Variants in PARP8 observed in about 807,000 individuals in gnomAD.
PARP8 encodes poly(ADP-ribose) polymerase family member 8, also known as protein mono-ADP-ribosyltransferase PARP8.
Under a neutral mutation model 124.1 loss-of-function variants are expected in PARP8, and 51 were observed. The observed-to-expected ratio is 0.41, with a 90% CI of 0.33 to 0.52. PARP8 has a LOEUF of 0.52. Among genes scored for constraint, PARP8 ranks in the 20% least tolerant of loss-of-function variants. PARP8 has a pLI of 0.21. For missense variants in PARP8, 860 were observed against 1,018.9 expected (o/e 0.84, Z 2.12); for synonymous variants, 391 against 361.5 (o/e 1.08, Z -0.93).
chr5:50,790,579 C>T (rs1438603803), intron 10 of PARP8, among the ~76,000 whole-genome samples: 1 of 151,956 alleles, frequency 6.6e-6, no homozygotes, highest in African/African-American at 2.4e-5. Context: ...TGGCATGGAG[C>T]TGATCAAAAT....
intron 15 of PARP8, 93 bp from the exon 16 acceptor site, chr5:50,821,120 T>A: frequency 1.4e-6 from 2 of 1,450,556 alleles, no homozygotes; most frequent in South Asian, 1.2e-5. Context: ...CTGATCTTCC[T>A]CATTAACTTA....
At chr5:50,750,119 CTT>C (rs774743569) in intron 2 of PARP8, 30 bp from the exon 3 acceptor site, 103 of 1,524,126 alleles carry the variant, frequency 6.8e-5, no homozygotes, top group Non-Finnish European at 9.0e-5. Context: ...TTAGCAATAA[CTT>C]GAGCCTTTTT....
At chr5:50,813,183 C>T (rs1045934617) in intron 14 of PARP8, among the ~76,000 whole-genome samples, 2 of 152,132 alleles carry the variant, frequency 1.3e-5, no homozygotes, top group African/African-American at 2.4e-5. Context: ...TTACCTTGGG[C>T]AGTATGGCTA....
chr5:50,828,466 C>T, intron 21 of PARP8, 82 bp downstream of exon 21: 1 of 1,278,654 alleles, frequency 7.8e-7, no homozygotes, highest in Non-Finnish European at 1.1e-6. Flanking sequence ...TTAGGTTTAA[C>T]TTGCAAAAGA....
chr5:50,838,600 T>C (rs1449086031), intron 25 of PARP8, among the ~76,000 whole-genome samples: 2 of 152,074 alleles, frequency 1.3e-5, no homozygotes, highest in African/African-American at 4.8e-5. Context: ...TCTAAGATCA[T>C]ACTATTTATA....
chr5:50,815,669 A>G (rs950056740), intron 15 of PARP8, 145 bp downstream of exon 15: 1 of 523,774 alleles, frequency 1.9e-6, no homozygotes, highest in Non-Finnish European at 3.3e-6. Flanking sequence ...TTTTTTTTAT[A>G]TGTAAACTAA....
chr5:50,773,833 T>A (rs1426704637), intron 7 of PARP8, among the ~76,000 whole-genome samples: 1 of 77,962 alleles, frequency 1.3e-5, no homozygotes, highest in Non-Finnish European at 2.5e-5. Context: ...ATTTCATTAA[T>A]TTTTTTTTTT....
intron 14 of PARP8, among the ~76,000 whole-genome samples, chr5:50,801,699 C>T (rs781053493): frequency 5.9e-5 from 9 of 152,120 alleles, no homozygotes; most frequent in Non-Finnish European, 1.0e-4. Flanking sequence ...TCTTTGTTAC[C>T]ATTATGAAAG....
In PARP8 at chr5:50,699,145, C is replaced by T. The variant is rs112539143; in HGVS notation, c.146+31020C>T. ...CAGTTCCATTTAAGTGGGGTCCTGTCTCTCTCACTCTCCACCGACTGTACC... is the reference window on the plus strand; with the variant it reads ...CAGTTCCATTTAAGTGGGGTCCTGTTTCTCTCACTCTCCACCGACTGTACC... On this transcript the variant is annotated intron_variant, in intron 2 of 25. Transcript: ENST00000281631. 3.2e-4 allele frequency among the ~76,000 whole-genome samples: 49 copies of T among 152,240 alleles called. 1 individual carries two copies. In the East Asian group the frequency reaches 6.8e-3, roughly 21 times the overall value.
chr5:50,803,934 C>T (rs750958220), intron 14 of PARP8, among the ~76,000 whole-genome samples: 4 of 152,052 alleles, frequency 2.6e-5, no homozygotes, highest in African/African-American at 7.2e-5. Flanking sequence ...ATTTAGATCT[C>T]GCCAAACTGT....
intron 2 of PARP8, among the ~76,000 whole-genome samples, chr5:50,727,853 G>A (rs548980535): frequency 8.5e-5 from 13 of 152,180 alleles, no homozygotes; most frequent in African/African-American, 3.1e-4. Context: ...ACATGGTGTG[G>A]TCCGCCTTCA....
chr5:50,839,116 T>C (rs1324266521), intron 25 of PARP8, among the ~76,000 whole-genome samples: 6 of 152,076 alleles, frequency 3.9e-5, no homozygotes, highest in Non-Finnish European at 7.4e-5. Context: ...TTATGAAATG[T>C]TCTTACATAC....
chr5:50,757,177 T>A (rs1169037693), intron 3 of PARP8: 5 of 455,990 alleles, frequency 1.1e-5, no homozygotes, highest in Middle Eastern at 6.5e-4. Flanking sequence ...AAGATCCTGG[T>A]TCCGTTTCCT....
chr5:50,763,305 T>C, intron 7 of PARP8, 63 bp downstream of exon 7: 1 of 1,344,308 alleles, frequency 7.4e-7, no homozygotes, highest in Non-Finnish European at 1.1e-6. Flanking sequence ...AATTTACTTT[T>C]GGAGTAATTT....
chr5:50,747,841 C>T (rs1437105257), intron 2 of PARP8, among the ~76,000 whole-genome samples: 3 of 129,942 alleles, frequency 2.3e-5, no homozygotes, highest in Non-Finnish European at 3.1e-5. Context: ...GGCGCGATCT[C>T]GGCTCACTTC....
rs1746781493 is a variant in PARP8, at chr5:50,830,114, T to G, written c.2233+153T>G. 2.0e-5 allele frequency among the ~76,000 whole-genome samples: 3 copies of G among 152,188 alleles called. No homozygotes were observed. The South Asian group carries it at 6.2e-4, about 31-fold the overall frequency. On this transcript the variant is annotated intron_variant, in intron 22 of 25. Transcript: ENST00000281631. ...TCAAAAGCAAAAACAAAGCCCATTT[T>G]CAAGATGAATTTATAATACTCTCCC...
chr5:50,705,341 A>G (rs1200965985), intron 2 of PARP8, among the ~76,000 whole-genome samples: 3 of 152,220 alleles, frequency 2.0e-5, no homozygotes, highest in African/African-American at 4.8e-5. Context: ...TAGGGATAGA[A>G]GTATATTATT....
At chr5:50,747,841 C>G (rs1437105257) in intron 2 of PARP8, among the ~76,000 whole-genome samples, 1 of 129,942 alleles carries the variant, frequency 7.7e-6, no homozygotes, top group African/African-American at 2.8e-5. Flanking sequence ...GGCGCGATCT[C>G]GGCTCACTTC....
intron 3 of PARP8, among the ~76,000 whole-genome samples, chr5:50,753,275 T>TCTC (rs1350299497): frequency 6.6e-6 from 1 of 152,062 alleles, no homozygotes; most frequent in Non-Finnish European, 1.5e-5. Flanking sequence ...GTGGACTCTC[T>TCTC]TATCCCTAGT....
Sources: allele counts gnomAD v4.1 joint callset (sites outside exome capture counted in the v4.1 genomes callset), GRCh38; gene constraint gnomAD v4.1.1; transcripts MANE v1.5; gene names NCBI Gene and HGNC (gene_info 2026-07-23, HGNC 2026-07-21).